The following ZNF521 variants were observed in gnomAD, a reference collection of about 807,000 sequenced individuals.
The protein encoded by ZNF521 is zinc finger protein 521, also known as LYST-interacting protein 3.
Under a neutral mutation model 105.5 loss-of-function variants are expected in ZNF521, and 14 were observed. The observed-to-expected ratio is 0.13, with a 90% CI of 0.09 to 0.21. The LOEUF is 0.21. ZNF521 is among the 10% of genes least tolerant of loss of function. ZNF521 has a pLI of 1.00. For synonymous variants in ZNF521, 635 were observed against 606.0 expected, an observed-to-expected ratio of 1.05 and a Z score of -0.70; for missense variants, 1,233 against 1,629.7, an observed-to-expected ratio of 0.76 and a Z score of 4.19.
chr18:25,091,170 A>G (rs150181812), intron 6 of ZNF521, among the ~76,000 whole-genome samples: 36 of 152,338 alleles, frequency 2.4e-4, no homozygotes, highest in Admixed American at 1.6e-3. Flanking sequence ...CCTCCAACAA[A>G]TAAAAAGGCA....
chr18:25,251,217 T>A (rs953133003), intron 3 of ZNF521, among the ~76,000 whole-genome samples: 11 of 152,208 alleles, frequency 7.2e-5, no homozygotes, highest in African/African-American at 2.2e-4. Flanking sequence ...AACAACAGCA[T>A]TCGATGGAAC....
intron 3 of ZNF521, among the ~76,000 whole-genome samples, chr18:25,249,870 T>A (rs554731537): frequency 6.6e-6 from 1 of 152,344 alleles, no homozygotes; most frequent in Non-Finnish European, 1.5e-5. Flanking sequence ...AAGCTGACAA[T>A]CATACTCTGA....
intron 5 of ZNF521, among the ~76,000 whole-genome samples, chr18:25,192,702 A>G (rs7239140): frequency 1.5e-5 from 2 of 131,478 alleles, no homozygotes; most frequent in African/African-American, 6.6e-5. Flanking sequence ...AAAAAAAAAA[A>G]CCACACACAG....
intron 4 of ZNF521, among the ~76,000 whole-genome samples, chr18:25,214,976 C>G (rs183547599): frequency 6.6e-6 from 1 of 152,040 alleles, no homozygotes; most frequent in Admixed American, 6.6e-5. Context: ...AGACGAAACA[C>G]TAACCAAAAT....
At chr18:25,270,129 T>G (rs55810971) in intron 3 of ZNF521, among the ~76,000 whole-genome samples, 2 of 151,958 alleles carry the variant, frequency 1.3e-5, no homozygotes, top group South Asian at 4.1e-4. Flanking sequence ...GAAATAACAA[T>G]TCCCATCAGA....
intron 5 of ZNF521, among the ~76,000 whole-genome samples, chr18:25,185,769 C>A (rs373164660): frequency 6.6e-6 from 1 of 152,030 alleles, no homozygotes; most frequent in African/African-American, 2.4e-5. Context: ...GAAACCTGAA[C>A]GCAGCATGGT....
chr18:25,244,335 A>T (rs190536108), intron 3 of ZNF521, among the ~76,000 whole-genome samples: 1 of 151,750 alleles, frequency 6.6e-6, no homozygotes, highest in East Asian at 1.9e-4. Flanking sequence ...ATACCACCCC[A>T]CATCCAAAGA....
At chr18:25,162,785 G>C (rs1290618023) in intron 5 of ZNF521, among the ~76,000 whole-genome samples, 1 of 152,154 alleles carries the variant, frequency 6.6e-6, no homozygotes, top group African/African-American at 2.4e-5. Context: ...TCTGTGTCTG[G>C]AGTATTTTAA....
intron 3 of ZNF521, among the ~76,000 whole-genome samples, chr18:25,229,805 A>G (rs1906417781): frequency 6.6e-6 from 1 of 152,238 alleles, no homozygotes; most frequent in South Asian, 2.1e-4. Flanking sequence ...ATTTGGGGAA[A>G]ACAGTGAATC....
At chr18:25,229,359 C>A (rs1906383500) in intron 3 of ZNF521, among the ~76,000 whole-genome samples, 1 of 152,182 alleles carries the variant, frequency 6.6e-6, no homozygotes, top group African/African-American at 2.4e-5. Flanking sequence ...TTGCCCACTG[C>A]AACAAAGCTT....
rs1203543448 is a variant in ZNF521 at position 25,303,281 on chromosome 18, T to G, written c.220+18727A>C. 3.6e-5 allele frequency among the ~76,000 whole-genome samples: 4 copies of G among 111,312 alleles called. No individual in the cohort carries two copies. In the East Asian group the frequency reaches 7.7e-4, roughly 22 times the overall value. 73.0% of individuals were successfully genotyped at this position (111,312 alleles called of 152,430 possible). ...ACTCTTTCTTTCTTTCGTGTGTGTG[T>G]GTGTGTGTGTGTGTGTGTGTGTGTG... On this transcript the variant is annotated intron_variant, in intron 3 of 7. Coordinates refer to ENST00000361524, the MANE Select transcript of ZNF521 (RefSeq NM_015461.3).
At chr18:25,144,557 T>A (rs182086964) in intron 5 of ZNF521, among the ~76,000 whole-genome samples, 1 of 152,134 alleles carries the variant, frequency 6.6e-6, no homozygotes, top group South Asian at 2.1e-4. Flanking sequence ...TTTTTAAAGA[T>A]GCTAAATCAA....
intron 5 of ZNF521, among the ~76,000 whole-genome samples, chr18:25,129,183 G>A (rs1483836352): frequency 2.0e-5 from 3 of 150,436 alleles, no homozygotes; most frequent in African/African-American, 7.3e-5. Context: ...AAGAAGCAAG[G>A]GTAATCTAAT....
intron 5 of ZNF521, among the ~76,000 whole-genome samples, chr18:25,184,221 TA>T (rs757090113): frequency 2.6e-5 from 4 of 152,202 alleles, no homozygotes; most frequent in Non-Finnish European, 4.4e-5. Context: ...TTGTATACAT[TA>T]AAATATTTCT....
chr18:25,080,726 T>C (rs909007779), intron 7 of ZNF521, among the ~76,000 whole-genome samples: 1 of 152,318 alleles, frequency 6.6e-6, no homozygotes, highest in East Asian at 1.9e-4. Flanking sequence ...CTTACCCTAA[T>C]TGTCACAACA....
chr18:25,330,076 T>C, intron 2 of ZNF521, among the ~76,000 whole-genome samples: 1 of 152,198 alleles, frequency 6.6e-6, no homozygotes, highest in East Asian at 1.9e-4. Flanking sequence ...TTTTTTCTTT[T>C]ACCCATATTC....
At chr18:25,122,475 T>C (rs749616850) in intron 5 of ZNF521, among the ~76,000 whole-genome samples, 15 of 152,220 alleles carry the variant, frequency 9.9e-5, no homozygotes, top group Non-Finnish European at 1.9e-4. Flanking sequence ...ATATTGTACC[T>C]AAAATTATAT....
At chr18:25,085,583 A>G (rs1389721376) in intron 7 of ZNF521, among the ~76,000 whole-genome samples, 1 of 151,972 alleles carries the variant, frequency 6.6e-6, no homozygotes, top group African/African-American at 2.4e-5. Context: ...ATATGTGTAC[A>G]TACATAGTGT....
intron 5 of ZNF521, among the ~76,000 whole-genome samples, chr18:25,160,488 A>G (rs1411327695): frequency 6.6e-6 from 1 of 152,224 alleles, no homozygotes; most frequent in Non-Finnish European, 1.5e-5. Flanking sequence ...TCTTTCATAC[A>G]TGGACACACT....
Sources: gnomAD v4.1 joint callset for allele counts (sites outside exome capture counted in the v4.1 genomes callset) on GRCh38, gnomAD v4.1.1 for gene constraint, MANE v1.5 for transcripts, NCBI Gene and HGNC (gene_info 2026-07-23, HGNC 2026-07-21) for gene names.